The following COL6A2 variants were observed in gnomAD, a reference collection of about 807,000 sequenced individuals.
The protein encoded by COL6A2 is collagen type VI alpha 2 chain.
In COL6A2, 90 loss-of-function variants were observed where a neutral mutation model predicts 124.9. The observed-to-expected ratio is 0.72, with a 90% confidence interval of 0.61 to 0.86. The LOEUF (loss-of-function observed/expected upper bound fraction) is 0.86. Among genes scored for constraint, COL6A2 ranks in the 40% least tolerant of loss-of-function variants. The pLI, the probability that COL6A2 is intolerant of heterozygous loss-of-function variation, is 0.00. For missense variants in COL6A2, 1,607 were observed against 1,502.5 expected, an observed-to-expected ratio of 1.07 and a Z score of -1.15; for synonymous variants, 793 against 618.2, an observed-to-expected ratio of 1.28 and a Z score of -4.19.
rs1408388272 is a variant in COL6A2, at chr21:46,124,631, C to G, written c.1672-20C>G. ...TGTCCCTGGGGCCACTGAAGCCCAC[C>G]TGTTCTTGTTCCTTCTCAGGCGGAT... On this transcript the variant is annotated intron_variant, in intron 21 of 27. Coordinates refer to ENST00000300527, the MANE Select transcript of COL6A2 (RefSeq NM_001849.4). The G allele has an allele frequency of 6.2e-7, 1 of 1,612,684 alleles. No individual in the cohort carries two copies. The highest frequency in any genetic ancestry group is 8.5e-7 in the Non-Finnish European group (1 of 1,179,684).
chr21:46,123,646 TAAGTG>T (rs2078603437), intron 21 of COL6A2, among the ~76,000 whole-genome samples: 1 of 150,792 alleles, frequency 6.6e-6, no homozygotes, highest in African/African-American at 2.4e-5. Context: ...GGTGGATGGA[TAAGTG>T]GATACATGGG....
rs1394636082 is a variant in COL6A2 at position 46,120,531 on chromosome 21, A to C, written c.1349A>C (p.Glu450Ala). The change falls in exon 16 of 28, where the codon GAG becomes GCG. Residue 450 changes from glutamate (E) to alanine (A), a missense_variant. This residue lies in a region of COL6A2 where 1,223 missense variants were observed against 1,052.2 expected (regional missense o/e 1.16). Coordinates refer to ENST00000300527, the MANE Select transcript of COL6A2 (RefSeq NM_001849.4). The stretch of plus-strand genomic sequence containing the variant: ...TTCCCACAGGGGGACCCTGGCCCTG[A>C]GGGGCCCCGCGGCCTGGCTGGAGAG... Reference protein sequence around the residue: ...PKGEKGDPGPEGPRGLAGEVG... With the variant: ...PKGEKGDPGPAGPRGLAGEVG... 2 of 1,491,044 alleles carry C rather than the reference A, an allele frequency of 1.3e-6. No homozygotes were observed. The highest frequency in any genetic ancestry group is 2.9e-5 in the African/African-American group (2 of 70,022). 92.4% of individuals were successfully genotyped at this position (1,491,044 alleles called of 1,614,324 possible).
chr21:46,111,023 G>A (rs1051037785), intron 1 of COL6A2, among the ~76,000 whole-genome samples: 2 of 152,192 alleles, frequency 1.3e-5, no homozygotes, highest in African/African-American at 4.8e-5. Context: ...AGCTCTGCAG[G>A]GGAGCCGGTC....
chr21:46,126,357 G>A lies in COL6A2; in HGVS notation c.2422+120G>A, dbSNP rs149945476. The A allele has an allele frequency of 1.2e-3, 1,772 of 1,512,700 alleles. 1 individual carries two copies. Among genetic ancestry groups the A allele is most frequent in the Non-Finnish European group, 1.5e-3 (1,616 of 1,091,848 alleles). 93.7% of individuals were successfully genotyped at this position (1,512,700 alleles called of 1,614,324 possible). On this transcript the variant is annotated intron_variant, in intron 26 of 27. Coordinates refer to ENST00000300527, the MANE Select transcript of COL6A2 (RefSeq NM_001849.4). ...AATGTGCAGCCCAGGATCTTGGGCT[G>A]TGGGTGGGAAGGGGTCGGGCCCTCT...
chr21:46,127,127 C>A (rs1207075379), intron 27 of COL6A2, among the ~76,000 whole-genome samples: 1 of 152,072 alleles, frequency 6.6e-6, no homozygotes. Context: ...CCATGGTGCA[C>A]TGCTGCACCG....
rs139130992 is a variant in COL6A2 at position 46,115,907 on chromosome 21, T to A, written c.837T>A (p.Pro279=). ...GCAACATGGGTGAGCCGGGAGAGCC[T>A]GGCCAGAAGGGAAGACAGGTGAGTG... The part of the protein sequence containing the change: ...AKGNMGEPGE[P]GQKGRQGDPG... Residue 279 remains proline (P), a synonymous_variant, in exon 6 of 28, where the codon CCT becomes CCA. Coordinates refer to ENST00000300527, the MANE Select transcript of COL6A2 (RefSeq NM_001849.4). The A allele has an allele frequency of 2.5e-6, 4 of 1,612,882 alleles. No homozygotes were observed. The highest frequency in any genetic ancestry group is 3.4e-6 in the Non-Finnish European group (4 of 1,179,992).
Position 46,125,256 on chromosome 21 carries a change from T to C in COL6A2, c.1771-10T>C. The C allele has an allele frequency of 6.2e-7, 1 of 1,611,496 alleles. No individual in the cohort carries two copies. Among genetic ancestry groups the C allele is most frequent in the Non-Finnish European group, 8.5e-7 (1 of 1,179,002 alleles). On this transcript the variant is annotated splice_polypyrimidine_tract_variant and intron_variant, in intron 23 of 27. Transcript: ENST00000300527. ...CGGGGGGACTACCCTGCCTGCCGTG[T>C]GCATTGCAGGAGTGTGACGTCATGA...
At chr21:46,125,411 C>T (rs757154225) in intron 24 of COL6A2, 54 bp from the exon 25 acceptor site, 3 of 1,610,288 alleles carry the variant, frequency 1.9e-6, no homozygotes, top group South Asian at 2.2e-5. Context: ...GTGCACGTGA[C>T]CCTAGGGTCT....
intron 27 of COL6A2, among the ~76,000 whole-genome samples, chr21:46,128,432 C>T (rs1359093779): frequency 1.3e-5 from 2 of 152,250 alleles, no homozygotes; most frequent in Non-Finnish European, 2.9e-5. Context: ...CCAGCCCACA[C>T]GGCCAGGCAT....
intron 21 of COL6A2, among the ~76,000 whole-genome samples, chr21:46,123,762 G>C (rs1415939834): frequency 7.4e-6 from 1 of 135,000 alleles, no homozygotes; most frequent in East Asian, 2.0e-4. Flanking sequence ...ATGGATGAGT[G>C]GGGGGATGGA....
intron 12 of COL6A2, 72 bp downstream of exon 12, chr21:46,118,008 G>A: frequency 7.0e-7 from 1 of 1,424,354 alleles, no homozygotes; most frequent in Non-Finnish European, 9.7e-7. Flanking sequence ...GGCAGCCCCA[G>A]CTGAGAAGCT....
At chr21:46,098,870 T>A (rs971184185) in intron 1 of COL6A2, 1 of 152,250 alleles carries the variant, frequency 6.6e-6, no homozygotes, top group South Asian at 2.1e-4. Context: ...ACACCCGCCC[T>A]GGGACTCCGC....
chr21:46,124,669 G>C lies in COL6A2; in HGVS notation c.1690G>C (p.Gly564Arg), dbSNP rs1172190604. Reference protein sequence around the residue: ...KGEPADPGPPGEPGPRGPRGV... With the variant: ...KGEPADPGPPREPGPRGPRGV... Reference sequence around the variant, plus strand: ...TTCTCAGGCGGATCCTGGTCCCCCTGGTGAGCCAGGCCCTCGGGGGCCAAG... The same window carrying C: ...TTCTCAGGCGGATCCTGGTCCCCCTCGTGAGCCAGGCCCTCGGGGGCCAAG... Residue 564 changes from glycine (G) to arginine (R), a missense_variant, in exon 22 of 28, where the codon GGT (glycine) becomes CGT (arginine). Physicochemically the swap from Gly to Arg is moderately radical, Grantham distance 125. Around this residue, in one of 3 missense-constraint regions of COL6A2, gnomAD observed 1,223 missense variants for 1,052.2 expected, o/e 1.16. Coordinates refer to ENST00000300527, the MANE Select transcript of COL6A2 (RefSeq NM_001849.4). The C allele has an allele frequency of 6.2e-7, 1 of 1,612,822 alleles. No individual in the cohort carries two copies. The highest frequency in any genetic ancestry group is 1.7e-5 in the Admixed American group (1 of 59,992).
chr21:46,099,596 C>T (rs1257454066), intron 1 of COL6A2, among the ~76,000 whole-genome samples: 1 of 152,158 alleles, frequency 6.6e-6, no homozygotes, highest in Non-Finnish European at 1.5e-5. Context: ...ATGCGGGGCT[C>T]ACCCGCCACA....
In COL6A2 at chr21:46,116,119, C is replaced by A. The variant is rs1176682184; in HGVS notation, c.900+66C>A. 8.7e-6 allele frequency: 13 copies of A among 1,501,090 alleles called. No individual in the cohort carries two copies. The highest frequency in any genetic ancestry group is 4.9e-5 in the East Asian group (2 of 40,718). 93.0% of individuals were successfully genotyped at this position (1,501,090 alleles called of 1,614,324 possible). ...CCCAGCACTGCCAGGCAGGCTCCCCCCAGCCCAGCCTCGGCCTCAGCCTCT... is the reference window on the plus strand; with the variant it reads ...CCCAGCACTGCCAGGCAGGCTCCCCACAGCCCAGCCTCGGCCTCAGCCTCT... On this transcript the variant is annotated intron_variant, in intron 7 of 27. Transcript: ENST00000300527. The surrounding 1 kb of genome is among the most constrained non-coding windows in gnomAD (Gnocchi z 4.6).
intron 4 of COL6A2, 195 bp downstream of exon 4, chr21:46,113,019 G>A (rs1339315236): frequency 2.9e-5 from 20 of 697,048 alleles, no homozygotes; most frequent in East Asian, 8.1e-5. Context: ...TTTAGATCCC[G>A]TGAGGGTCAG....
At chr21:46,100,262 ATTTTCT>A (rs2078274726) in intron 1 of COL6A2, among the ~76,000 whole-genome samples, 1 of 151,294 alleles carries the variant, frequency 6.6e-6, no homozygotes, top group African/African-American at 2.4e-5. Flanking sequence ...TGCCCAGCTA[ATTTTCT>A]TTTAAGAGAC....
At position 46,119,840 on chromosome 21, in the gene COL6A2, A is replaced by AG; in HGVS notation, c.1327dup (p.Glu443GlyfsTer8). On this transcript the variant is annotated frameshift_variant, in exon 15 of 28. Transcript: ENST00000300527. LOFTEE classifies it high-confidence loss of function. ...GGCAGCCCAGGCAGCGATGGCCCCAAGGGGGAGAAGGTGAGTCCTCGTGTG... is the reference window on the plus strand; with the variant it reads ...GGCAGCCCAGGCAGCGATGGCCCCAAGGGGGGAGAAGGTGAGTCCTCGTGTG... The AG allele has an allele frequency of 1.3e-6, 2 of 1,559,498 alleles. No homozygotes were observed. Among genetic ancestry groups the AG allele is most frequent in the Non-Finnish European group, 8.7e-7 (1 of 1,151,138 alleles).
chr21:46,120,942 G>A, intron 16 of COL6A2, 119 bp from the exon 17 acceptor site: 2 of 942,408 alleles, frequency 2.1e-6, no homozygotes, highest in South Asian at 2.7e-5. Flanking sequence ...AGGGTCATAG[G>A]GGCCGGGGCC....
Sources: allele counts gnomAD v4.1 joint callset (sites outside exome capture counted in the v4.1 genomes callset), GRCh38; gene constraint gnomAD v4.1.1; regional missense constraint gnomAD v4.1.1; non-coding constraint Gnocchi (gnomAD v3.1); transcripts MANE v1.5; gene names NCBI Gene and HGNC (gene_info 2026-07-23, HGNC 2026-07-21).